MAF: variants seen among roughly 807,000 people sequenced by gnomAD.
MAF encodes transcription factor Maf.
A neutral mutation model predicts 22.0 loss-of-function variants in MAF; 10 were observed. The observed-to-expected ratio is 0.45, with a 90% CI of 0.28 to 0.77. The LOEUF is 0.77. MAF is among the 30% of genes least tolerant of loss of function. The pLI is 0.12. For missense variants in MAF, 544 were observed against 548.4 expected, an observed-to-expected ratio of 0.99 and a Z score of 0.08; for synonymous variants, 337 against 255.8, an observed-to-expected ratio of 1.32 and a Z score of -3.03.
chr16:79,245,598 C>T, the MAF span, among the ~76,000 whole-genome samples: 1 of 152,050 alleles, frequency 6.6e-6, no homozygotes, highest in Non-Finnish European at 1.5e-5. Flanking sequence ...AACACTTTTA[C>T]ACTGTTGGTG....
chr16:79,222,354 GAAC>G, the MAF span, among the ~76,000 whole-genome samples: 1 of 152,068 alleles, frequency 6.6e-6, no homozygotes, highest in East Asian at 1.9e-4. Context: ...ACATGGAAAG[GAAC>G]AACTGATACC....
Position 79,599,684 on chromosome 16 carries a change from G to A in MAF, c.219C>T (p.Phe73=). 1.2e-6 allele frequency: 2 copies of A among 1,612,394 alleles called. No homozygotes were observed. Among genetic ancestry groups the A allele is most frequent in the Non-Finnish European group, 1.7e-6 (2 of 1,179,712 alleles). ...TGCCCGAGCCCGGGCTGGGCGCCGA[G>A]AAGCTGGGGGAAGGGGGCACCGAGC... The part of the protein sequence containing the change: ...PCSSVPPSPS[F]SAPSPGSGSE... Residue 73 remains phenylalanine, a synonymous_variant, in exon 1 of 2, where the codon TTC becomes TTT. Transcript: ENST00000326043.
At chr16:79,325,556 C>A in the MAF span, among the ~76,000 whole-genome samples, 4 of 151,836 alleles carry the variant, frequency 2.6e-5, no homozygotes, top group African/African-American at 9.7e-5. Flanking sequence ...TTAAGGCACA[C>A]AGACACACAC....
At chr16:79,591,895 A>T (rs1567560486), downstream of MAF, among the ~76,000 whole-genome samples, 2 of 152,358 alleles carry the variant, frequency 1.3e-5, no homozygotes, top group East Asian at 3.9e-4. Context: ...TAAGACATTA[A>T]CGATTTCCTC....
chr16:79,348,881 GTGT>G, the MAF span, among the ~76,000 whole-genome samples: 1 of 152,220 alleles, frequency 6.6e-6, no homozygotes, highest in African/African-American at 2.4e-5. Context: ...CTCATGAGAG[GTGT>G]TGTTAAGCGT....
At chr16:79,267,232 A>G in the MAF span, among the ~76,000 whole-genome samples, 3 of 152,294 alleles carry the variant, frequency 2.0e-5, no homozygotes, top group Non-Finnish European at 2.9e-5. Context: ...AGCAGCTGCC[A>G]TCTTGGATGT....
chr16:79,488,834 C>T, the MAF span, among the ~76,000 whole-genome samples: 3 of 152,142 alleles, frequency 2.0e-5, no homozygotes, highest in African/African-American at 7.2e-5. Flanking sequence ...TTCCCTTGAA[C>T]GTCACCTCAA....
the MAF span, among the ~76,000 whole-genome samples, chr16:79,322,154 T>C: frequency 0.91 from 138,578 of 152,120 alleles, 63,499 homozygotes; most frequent in Non-Finnish European, 0.96. Context: ...ATTGCTTTAA[T>C]CCCAGGAGGC....
At chr16:79,541,662 GTT>G in the MAF span, among the ~76,000 whole-genome samples, 7 of 123,864 alleles carry the variant, frequency 5.7e-5, no homozygotes, top group African/African-American at 9.0e-5. Context: ...GGTTTTTTTA[GTT>G]TTTTTTTTTT....
the MAF span, among the ~76,000 whole-genome samples, chr16:79,280,019 G>T: frequency 6.6e-6 from 1 of 152,204 alleles, no homozygotes; most frequent in Non-Finnish European, 1.5e-5. Flanking sequence ...CCTGTCACAG[G>T]CTCCAAAGCA....
chr16:79,375,990 C>G, the MAF span, among the ~76,000 whole-genome samples: 1 of 152,028 alleles, frequency 6.6e-6, no homozygotes, highest in Non-Finnish European at 1.5e-5. Flanking sequence ...CAATGGAAAA[C>G]AAATCAACCT....
the MAF span, among the ~76,000 whole-genome samples, chr16:79,405,655 G>C: frequency 6.6e-6 from 1 of 152,180 alleles, no homozygotes; most frequent in African/African-American, 2.4e-5. Flanking sequence ...CCTGAAGAAA[G>C]ACTTCGAATG....
the MAF span, among the ~76,000 whole-genome samples, chr16:79,270,229 G>T: frequency 2.0e-5 from 3 of 149,406 alleles, no homozygotes; most frequent in Non-Finnish European, 4.4e-5. Flanking sequence ...CTTTAAAAAA[G>T]CATCCTAGTG....
chr16:79,363,632 A>G, the MAF span, among the ~76,000 whole-genome samples: 1 of 152,200 alleles, frequency 6.6e-6, no homozygotes, highest in Non-Finnish European at 1.5e-5. Context: ...AGTCCAGAGC[A>G]TCTGTAATTA....
At chr16:79,385,285 A>C in the MAF span, among the ~76,000 whole-genome samples, 1 of 152,262 alleles carries the variant, frequency 6.6e-6, no homozygotes, top group South Asian at 2.1e-4. Context: ...TTAACTTATA[A>C]AGGCAACAGA....
the MAF span, among the ~76,000 whole-genome samples, chr16:79,305,741 G>C: frequency 4.2e-3 from 641 of 152,342 alleles, 1 homozygote; most frequent in Non-Finnish European, 7.4e-3. Flanking sequence ...GATTTAAGCA[G>C]AGAGAGGAAT....
chr16:79,239,036 C>G, the MAF span, among the ~76,000 whole-genome samples: 9 of 152,008 alleles, frequency 5.9e-5, no homozygotes, highest in Non-Finnish European at 7.4e-5. Flanking sequence ...AAACACCTCT[C>G]TAGATCAGGT....
At chr16:79,523,972 G>A in the MAF span, among the ~76,000 whole-genome samples, 1 of 152,102 alleles carries the variant, frequency 6.6e-6, no homozygotes, top group Non-Finnish European at 1.5e-5. Context: ...ATGATCCTGT[G>A]ATCATCGGCA....
At chr16:79,594,786 G>A (rs1424270494) in intron 1 of MAF, 48 of 1,319,278 alleles carry the variant, frequency 3.6e-5, no homozygotes, top group Non-Finnish European at 4.7e-5. Flanking sequence ...TTCTAAAAAT[G>A]CCTTTTACTA....
Sources: allele counts gnomAD v4.1 joint callset (sites outside exome capture counted in the v4.1 genomes callset), GRCh38; gene constraint gnomAD v4.1.1; transcripts MANE v1.5; gene names NCBI Gene and HGNC (gene_info 2026-07-23, HGNC 2026-07-21).